The following EGFLAM variants were observed in gnomAD, a reference collection of about 807,000 sequenced individuals.
EGFLAM encodes the protein EGF like, fibronectin type III and laminin G domains.
A neutral mutation model predicts 113.1 loss-of-function variants in EGFLAM; 79 were observed. The ratio of observed to expected loss-of-function variants is 0.70; its 90% CI spans 0.58 to 0.84. EGFLAM has a LOEUF of 0.84. EGFLAM is among the 40% of genes least tolerant of loss of function. The pLI is 0.00. For synonymous variants in EGFLAM, 504 were observed against 487.6 expected, an observed-to-expected ratio of 1.03 and a Z score of -0.44; for missense variants, 1,265 against 1,291.6, an observed-to-expected ratio of 0.98 and a Z score of 0.32.
At chr5:38,462,487 C>T in intron 20 of EGFLAM, 2 of 169,772 alleles carry the variant, frequency 1.2e-5, no homozygotes, top group Non-Finnish European at 2.5e-5. Context: ...GCTGTTGTTG[C>T]TTTCTCTGTT....
intron 3 of EGFLAM, among the ~76,000 whole-genome samples, chr5:38,343,860 A>ATAGACTTT (rs1171267096): frequency 6.6e-6 from 1 of 152,212 alleles, no homozygotes; most frequent in Non-Finnish European, 1.5e-5. Context: ...TAGAAGAATC[A>ATAGACTTT]TAGACTTTCA....
intron 19 of EGFLAM, 78 bp from the exon 20 acceptor site, chr5:38,458,233 G>T: frequency 7.5e-7 from 1 of 1,328,130 alleles, no homozygotes; most frequent in East Asian, 2.5e-5. Context: ...TTTGCCCTGA[G>T]AATCGTCTGT....
intron 6 of EGFLAM, among the ~76,000 whole-genome samples, chr5:38,398,691 A>G (rs1352320061): frequency 6.6e-6 from 1 of 152,338 alleles, no homozygotes; most frequent in East Asian, 1.9e-4. Context: ...TACATTGGTG[A>G]GAGATGAGGC....
intron 17 of EGFLAM, among the ~76,000 whole-genome samples, chr5:38,444,010 A>C (rs531191745): frequency 6.6e-6 from 1 of 151,950 alleles, no homozygotes; most frequent in Admixed American, 6.6e-5. Flanking sequence ...ACCTCAGGTG[A>C]TCCACCCGCC....
intron 6 of EGFLAM, among the ~76,000 whole-genome samples, chr5:38,378,556 T>A (rs1358412568): frequency 6.6e-6 from 1 of 152,208 alleles, no homozygotes; most frequent in African/African-American, 2.4e-5. Context: ...AATCAGGAAG[T>A]GCTCCAAAGT....
chr5:38,344,245 G>A (rs1739418951), intron 3 of EGFLAM, among the ~76,000 whole-genome samples: 2 of 152,212 alleles, frequency 1.3e-5, no homozygotes, highest in Admixed American at 1.3e-4. Context: ...CAGCACTTTG[G>A]GAGGCTGAGG....
chr5:38,377,695 T>G (rs1740401943), intron 6 of EGFLAM, among the ~76,000 whole-genome samples: 1 of 151,896 alleles, frequency 6.6e-6, no homozygotes, highest in Non-Finnish European at 1.5e-5. Flanking sequence ...ACTCCCAGAA[T>G]TGCAATGTGG....
chr5:38,285,872 A>T (rs1199377068), intron 1 of EGFLAM: 1 of 152,158 alleles, frequency 6.6e-6, no homozygotes, highest in Non-Finnish European at 1.5e-5. Context: ...ACCTGCCCCC[A>T]TGATTCAATC....
intron 1 of EGFLAM, among the ~76,000 whole-genome samples, chr5:38,326,315 T>A (rs972115841): frequency 1.3e-5 from 2 of 152,032 alleles, no homozygotes; most frequent in African/African-American, 4.8e-5. Context: ...TTTTGAAAAA[T>A]CCTGTTCTAG....
At chr5:38,402,527 T>G (rs1427519531) in intron 6 of EGFLAM, among the ~76,000 whole-genome samples, 1 of 152,220 alleles carries the variant, frequency 6.6e-6, no homozygotes, top group Non-Finnish European at 1.5e-5. Flanking sequence ...CACAGTGGCT[T>G]CTTCTGCAAT....
intron 1 of EGFLAM, among the ~76,000 whole-genome samples, chr5:38,281,292 G>A (rs530625774): frequency 1.3e-5 from 2 of 152,158 alleles, no homozygotes; most frequent in East Asian, 3.9e-4. Context: ...GATAAGCTAA[G>A]CACCATATCT....
At chr5:38,448,641 G>A (rs11743454) in intron 18 of EGFLAM, among the ~76,000 whole-genome samples, 16,253 of 152,170 alleles carry the variant, frequency 0.11, 946 homozygotes, top group Non-Finnish European at 0.12. Flanking sequence ...TGGTCAAAGG[G>A]CCTGGAGAGA....
intron 1 of EGFLAM, among the ~76,000 whole-genome samples, chr5:38,298,069 G>A (rs1758488187): frequency 6.6e-6 from 1 of 152,044 alleles, no homozygotes; most frequent in African/African-American, 2.4e-5. Context: ...AAGGGCTTGT[G>A]AAGACTCCGG....
At chr5:38,299,517 G>C (rs1758522615) in intron 1 of EGFLAM, among the ~76,000 whole-genome samples, 1 of 152,142 alleles carries the variant, frequency 6.6e-6, no homozygotes, top group African/African-American at 2.4e-5. Flanking sequence ...GGTCATGGGG[G>C]CGGATCCCTC....
At chr5:38,437,208 A>G (rs1361408683) in intron 16 of EGFLAM, among the ~76,000 whole-genome samples, 1 of 152,168 alleles carries the variant, frequency 6.6e-6, no homozygotes, top group Non-Finnish European at 1.5e-5. Context: ...CAGTAAATCC[A>G]TGCACAGTGG....
chr5:38,306,430 C>T (rs145994779), intron 1 of EGFLAM, among the ~76,000 whole-genome samples: 160 of 152,236 alleles, frequency 1.1e-3, no homozygotes, highest in African/African-American at 3.6e-3. Context: ...CCTGGCCTGG[C>T]CTGGCCTCTG....
chr5:38,358,854 G>A (rs1313037133), intron 5 of EGFLAM, among the ~76,000 whole-genome samples: 1 of 152,136 alleles, frequency 6.6e-6, no homozygotes, highest in Admixed American at 6.5e-5. Flanking sequence ...TTCTGAGTAA[G>A]CCTTCAGGCT....
intron 17 of EGFLAM, among the ~76,000 whole-genome samples, chr5:38,447,756 C>CA (rs540815959): frequency 0.074 from 5,114 of 69,250 alleles, 212 homozygotes; most frequent in African/African-American, 0.15. Context: ...AACTTTGTTT[C>CA]AAAAAAAAAA....
chr5:38,436,067 T>C (rs1197609152), intron 16 of EGFLAM, among the ~76,000 whole-genome samples: 1 of 152,052 alleles, frequency 6.6e-6, no homozygotes, highest in African/African-American at 2.4e-5. Context: ...CTGCCCACCT[T>C]GGCCTCCCAA....
Sources: gnomAD v4.1 joint callset for allele counts (sites outside exome capture counted in the v4.1 genomes callset) on GRCh38, gnomAD v4.1.1 for gene constraint, MANE v1.5 for transcripts, NCBI Gene and HGNC (gene_info 2026-07-23, HGNC 2026-07-21) for gene names.